The following POMGNT1 variants were observed in gnomAD, a reference collection of about 807,000 sequenced individuals.
POMGNT1 encodes the protein protein O-linked mannose N-acetylglucosaminyltransferase 1 (beta 1,2-).
POMGNT1 carries 67 observed loss-of-function variants against 95.6 expected under a neutral mutation model. The observed-to-expected ratio is 0.70, with a 90% CI of 0.58 to 0.86. POMGNT1 has a LOEUF of 0.86. Among genes scored for constraint, POMGNT1 ranks in the 40% least tolerant of loss-of-function variants. The pLI is 0.00. For synonymous variants in POMGNT1, 298 were observed against 317.9 expected, an observed-to-expected ratio of 0.94 and a Z score of 0.66; for missense variants, 719 against 855.2, an observed-to-expected ratio of 0.84 and a Z score of 1.99.
chr1:46,217,652 T>C (rs908961174), intron 1 of POMGNT1, among the ~76,000 whole-genome samples: 2 of 151,208 alleles, frequency 1.3e-5, no homozygotes, highest in Non-Finnish European at 2.9e-5. Flanking sequence ...AGGTCAGGAG[T>C]TTGAGACCAG....
At chr1:46,197,146 T>G (rs1055260128) in intron 2 of POMGNT1, 62 bp from the exon 3 acceptor site, 8 of 1,612,448 alleles carry the variant, frequency 5.0e-6, no homozygotes, top group Non-Finnish European at 6.8e-6. Flanking sequence ...AGGGTCTTTC[T>G]GAAAGGAGGG....
chr1:46,203,746 G>A, intron 1 of POMGNT1: 2 of 918,184 alleles, frequency 2.2e-6, no homozygotes, highest in Non-Finnish European at 3.1e-6. Flanking sequence ...TAACTGCTCA[G>A]AATCCCTCCC....
upstream of POMGNT1, among the ~76,000 whole-genome samples, chr1:46,202,505 C>T (rs184270556): frequency 2.6e-5 from 4 of 151,814 alleles, no homozygotes; most frequent in African/African-American, 9.7e-5. Flanking sequence ...CCAGCCTGGC[C>T]AACATGGTGA....
Position 46,210,326 on chromosome 1 carries a change from G to A in POMGNT1, c.-51+9379C>T, listed in dbSNP as rs565586141. 3.7e-4 allele frequency among the ~76,000 whole-genome samples: 57 copies of A among 152,136 alleles called. No individual in the cohort carries two copies. The South Asian group carries it at 0.01, about 27-fold the overall frequency. Reference sequence around the variant, plus strand: ...CAACACAACAATAATCATTAATACAGAAGACCCCAAAATATATGAGGATTT... The same window carrying A: ...CAACACAACAATAATCATTAATACAAAAGACCCCAAAATATATGAGGATTT... On this transcript the variant is annotated intron_variant, in intron 1 of 22. Transcript: ENST00000371992.
Position 46,189,457 on chromosome 1 carries a change from C to T in POMGNT1, c.1895+1G>A, listed in dbSNP as rs386834024. 22 of 1,613,486 alleles carry T rather than the reference C, an allele frequency of 1.4e-5. No homozygotes were observed. Among genetic ancestry groups the T allele is most frequent in the South Asian group, 2.2e-5 (2 of 90,930 alleles). ...TCCCAGGGCAGAAAAGGGTCACTCA[C>T]GAGTAGGGGGAAGCCGGGACCCCCA... On this transcript the variant is annotated splice_donor_variant, in intron 21 of 21. Transcript: ENST00000371984. LOFTEE classifies it high-confidence loss of function.
At chr1:46,204,015 C>T (rs764245276) in intron 1 of POMGNT1, among the ~76,000 whole-genome samples, 13 of 152,188 alleles carry the variant, frequency 8.5e-5, no homozygotes, top group Non-Finnish European at 1.5e-4. Flanking sequence ...TTTTCTCCTT[C>T]TGCTAACCGG....
At chr1:46,203,580 G>C (rs771110165) in intron 1 of POMGNT1, 1 of 1,581,732 alleles carries the variant, frequency 6.3e-7, no homozygotes, top group Non-Finnish European at 8.6e-7. Context: ...GTCTAGCACC[G>C]GCCACGACTT....
Position 46,189,173 on chromosome 1 carries a change from C to A in POMGNT1, c.*97G>T. On this transcript the variant is annotated 3_prime_UTR_variant, in exon 22 of 22. Coordinates refer to ENST00000371984, the MANE Select transcript of POMGNT1 (RefSeq NM_017739.4). Reference sequence around the variant, plus strand: ...CATGTTAAAAACAAGGTAGCCCCAGCCCCTACCAGCATCTACAAAATCCTA... The same window carrying A: ...CATGTTAAAAACAAGGTAGCCCCAGACCCTACCAGCATCTACAAAATCCTA... 1.3e-6 allele frequency: 2 copies of A among 1,528,936 alleles called. No individual in the cohort carries two copies. Among genetic ancestry groups the A allele is most frequent in the South Asian group, 1.3e-5 (1 of 75,684 alleles). 94.7% of individuals were successfully genotyped at this position (1,528,936 alleles called of 1,614,324 possible). A position where few individuals can be genotyped will look rare whatever the true frequency, so the allele number is the denominator to read the frequency against.
chr1:46,200,826 T>C (rs1433816863), upstream of POMGNT1, among the ~76,000 whole-genome samples: 1 of 152,172 alleles, frequency 6.6e-6, no homozygotes, highest in Non-Finnish European at 1.5e-5. Context: ...CCTTGCAAAA[T>C]CCAGAGTGAT....
upstream of POMGNT1, chr1:46,198,549 A>AGCGGCGTCG (rs1553164449): frequency 1.8e-5 from 3 of 163,142 alleles, no homozygotes; most frequent in Non-Finnish European, 3.8e-5. Flanking sequence ...CGGTGGCGGC[A>AGCGGCGTCG]GCGGCGTCGG....
At chr1:46,218,997 C>T (rs1659149148) in intron 1 of POMGNT1, among the ~76,000 whole-genome samples, 1 of 152,014 alleles carries the variant, frequency 6.6e-6, no homozygotes, top group African/African-American at 2.4e-5. Context: ...TGGGCAGGCT[C>T]AATAGTCAGT....
intron 17 of POMGNT1, chr1:46,191,629 T>C (rs972239049): frequency 4.4e-5 from 11 of 249,712 alleles, no homozygotes; most frequent in African/African-American, 2.2e-4. Flanking sequence ...AGTGAGGTAG[T>C]AGTATTTTAT....
intron 1 of POMGNT1, among the ~76,000 whole-genome samples, chr1:46,212,362 G>A (rs999237075): frequency 6.7e-6 from 1 of 150,252 alleles, no homozygotes; most frequent in Non-Finnish European, 1.5e-5. Context: ...CTCACTGCAA[G>A]CTCCGCCTCC....
chr1:46,204,334 C>T (rs1215622831), intron 1 of POMGNT1, among the ~76,000 whole-genome samples: 1 of 152,192 alleles, frequency 6.6e-6, no homozygotes, highest in Non-Finnish European at 1.5e-5. Context: ...CAACCCTCCC[C>T]TTTCTCTATT....
chr1:46,202,775 T>C (rs988075796), upstream of POMGNT1, among the ~76,000 whole-genome samples: 19 of 150,474 alleles, frequency 1.3e-4, no homozygotes, highest in Non-Finnish European at 2.2e-4. Flanking sequence ...ACCTACATTT[T>C]AACAAGATCC....
intron 20 of POMGNT1, 102 bp downstream of exon 20, chr1:46,189,752 G>C (rs1467825927): frequency 6.3e-7 from 1 of 1,575,154 alleles, no homozygotes; most frequent in Non-Finnish European, 8.6e-7. Context: ...ATAAAGAGGA[G>C]GTTCTGAGGT....
Position 46,189,544 on chromosome 1 carries a change from A to G in POMGNT1, c.1809T>C (p.Asp603=), listed in dbSNP as rs372423310. The change falls in exon 21 of 22, where the codon GAT becomes GAC. Residue 603 remains aspartate, a synonymous_variant. Transcript: ENST00000371984. The part of the protein sequence containing the change: ...LAKCLHIWDL[D]VRGNHRGLWR... ...ACAGGCCCCGATGGTTGCCACGCAC[A>G]TCCAGGTCCCAGATATGGAGGCACT... is the stretch of plus-strand genomic sequence containing the variant. 5.6e-6 allele frequency: 9 copies of G among 1,612,762 alleles called. No homozygotes were observed. Among genetic ancestry groups the G allele is most frequent in the Non-Finnish European group, 6.8e-6 (8 of 1,179,434 alleles).
Position 46,188,706 on chromosome 1 carries a change from A to G in POMGNT1, c.*564T>C, listed in dbSNP as rs757228094. 6.3e-7 allele frequency: 1 copy of G among 1,596,870 alleles called. No individual in the cohort carries two copies. The highest frequency in any genetic ancestry group is 1.1e-5 in the South Asian group (1 of 89,738). On this transcript the variant is annotated 3_prime_UTR_variant, in exon 22 of 22. Transcript: ENST00000371984. ...TCCCCAGAGGGCTTCTCCTTTTTTAATCAATGACCAACTTATCCAGCTTTG... is the reference window on the plus strand; with the variant it reads ...TCCCCAGAGGGCTTCTCCTTTTTTAGTCAATGACCAACTTATCCAGCTTTG...
chr1:46,195,480 C>T (rs1291803691), intron 6 of POMGNT1: 1 of 396,304 alleles, frequency 2.5e-6, no homozygotes, highest in Non-Finnish European at 4.8e-6. Context: ...GCTTTATTTT[C>T]TTCTTTATAC....
Sources: gnomAD v4.1 joint callset for allele counts (sites outside exome capture counted in the v4.1 genomes callset) on GRCh38, gnomAD v4.1.1 for gene constraint, MANE v1.5 for transcripts, NCBI Gene and HGNC (gene_info 2026-07-23, HGNC 2026-07-21) for gene names.